OPRM1: variants seen among roughly 807,000 people sequenced by gnomAD.
OPRM1 encodes mu-type opioid receptor.
OPRM1 carries 27 observed loss-of-function variants against 31.8 expected under a neutral mutation model. That is an observed-to-expected ratio of 0.85 (90% CI 0.63 to 1.17). The LOEUF is 1.17. OPRM1 is among the 50% of genes most tolerant of loss of function. OPRM1 has a pLI of 0.00. For missense variants in OPRM1, 536 were observed against 511.1 expected (o/e 1.05, Z -0.47); for synonymous variants, 196 against 189.9 (o/e 1.03, Z -0.26).
intron 3 of OPRM1, among the ~76,000 whole-genome samples, chr6:154,216,180 C>T (rs1373324908): frequency 6.6e-6 from 1 of 151,846 alleles, no homozygotes; most frequent in Non-Finnish European, 1.5e-5. Context: ...ATGTTCACTG[C>T]CAACAAGGCT....
rs747320275 is a variant in OPRM1 at position 154,018,505 on chromosome 6, C to CTTT, written c.-1+7499_-1+7501dup. The stretch of plus-strand genomic sequence containing the variant: ...CATTTTCTATTGTGCCCCGTTAATT[C>CTTT]TTTTTTTTTTTTTTGTCTTTTCTGG... On this transcript the variant is annotated intron_variant, in intron 1 of 5. Transcript: ENST00000434900. 8.6e-4 allele frequency among the ~76,000 whole-genome samples: 121 copies of CTTT among 141,240 alleles called. 1 individual carries two copies. Among genetic ancestry groups the CTTT allele is most frequent in the African/African-American group, 1.5e-3 (58 of 38,540 alleles). The allele number at this position is 141,240 out of a possible 152,430, so 92.7% of individuals were successfully genotyped here. A position where few individuals can be genotyped will look rare whatever the true frequency, so the allele number is the denominator to read the frequency against.
intron 1 of OPRM1, among the ~76,000 whole-genome samples, chr6:154,049,839 C>T (rs1448259420): frequency 6.6e-6 from 1 of 152,208 alleles, no homozygotes; most frequent in East Asian, 1.9e-4. Flanking sequence ...ACCATCCTTG[C>T]ATCCCAAGGA....
chr6:154,214,327 C>A (rs1177640382), intron 3 of OPRM1: 4 of 1,190,314 alleles, frequency 3.4e-6, no homozygotes, highest in South Asian at 2.4e-5. Context: ...AGCCCCCCAC[C>A]CATTCACCTT....
At chr6:154,061,144 A>G (rs1424486971) in intron 1 of OPRM1, among the ~76,000 whole-genome samples, 2 of 152,220 alleles carry the variant, frequency 1.3e-5, no homozygotes, top group East Asian at 3.8e-4. Context: ...CCCACCCTAA[A>G]TTAATGGCTT....
chr6:154,121,966 C>G lies in OPRM1; in HGVS notation c.*3245C>G, dbSNP rs1797324514. 6.6e-6 allele frequency among the ~76,000 whole-genome samples: 1 copy of G among 152,174 alleles called. No homozygotes were observed. The highest frequency in any genetic ancestry group is 2.1e-4 in the South Asian group (1 of 4,830). ...TATAATAAAGATAATCAGTTTTATA[C>G]AGACATATTCTCCATCTACTGGCAA... On this transcript the variant is annotated 3_prime_UTR_variant, in exon 4 of 4. Transcript: ENST00000330432.
At chr6:154,158,202 G>A (rs1255214203) in intron 3 of OPRM1, 2 of 152,144 alleles carry the variant, frequency 1.3e-5, no homozygotes, top group African/African-American at 4.8e-5. Context: ...CCTTCCATTT[G>A]AATGTCAAGC....
At chr6:154,111,088 T>A (rs914980741) in intron 3 of OPRM1, among the ~76,000 whole-genome samples, 4 of 152,080 alleles carry the variant, frequency 2.6e-5, no homozygotes, top group African/African-American at 9.7e-5. Context: ...GCAGATCAAG[T>A]CTGGATCTTT....
At chr6:154,241,317 A>G (rs1261830601) in intron 3 of OPRM1, among the ~76,000 whole-genome samples, 2 of 152,084 alleles carry the variant, frequency 1.3e-5, no homozygotes, top group Admixed American at 1.3e-4. Context: ...AGGGGCCTCA[A>G]GCTTCCTTGA....
chr6:154,228,533 G>C (rs1320799753), intron 3 of OPRM1, among the ~76,000 whole-genome samples: 1 of 152,102 alleles, frequency 6.6e-6, no homozygotes, highest in African/African-American at 2.4e-5. Flanking sequence ...TCACAATTCA[G>C]CCCATCTAGT....
chr6:154,019,501 A>G (rs1200951340), intron 1 of OPRM1, among the ~76,000 whole-genome samples: 1 of 152,138 alleles, frequency 6.6e-6, no homozygotes, highest in Non-Finnish European at 1.5e-5. Context: ...CCATTATAGT[A>G]CCATATAGAA....
intron 3 of OPRM1, among the ~76,000 whole-genome samples, chr6:154,152,301 A>AAG (rs1798527094): frequency 4.9e-5 from 4 of 81,466 alleles, no homozygotes; most frequent in East Asian, 3.3e-4. Flanking sequence ...AGAGAGAAGA[A>AAG]AGAAAGAAAG....
intron 3 of OPRM1, among the ~76,000 whole-genome samples, chr6:154,152,347 G>GAAAAGAAAGAAA: frequency 4.3e-4 from 28 of 65,202 alleles, no homozygotes; most frequent in Middle Eastern, 6.4e-3. Flanking sequence ...AAGAAAGAAA[G>GAAAAGAAAGAAA]GAAAGAAAGA....
intron 1 of OPRM1, among the ~76,000 whole-genome samples, chr6:154,031,976 A>C (rs993738339): frequency 1.1e-4 from 16 of 152,182 alleles, no homozygotes; most frequent in African/African-American, 3.6e-4. Flanking sequence ...CATTATGGGG[A>C]GCCAACAAGC....
chr6:154,038,111 A>G (rs769684589), upstream of OPRM1, among the ~76,000 whole-genome samples: 26 of 152,190 alleles, frequency 1.7e-4, no homozygotes, highest in Non-Finnish European at 3.2e-4. Context: ...GAGTTTACCT[A>G]TGAGTTATCT....
intron 3 of OPRM1, among the ~76,000 whole-genome samples, chr6:154,243,044 G>A (rs2128638459): frequency 6.6e-6 from 1 of 152,278 alleles, no homozygotes; most frequent in East Asian, 1.9e-4. Context: ...ATAGGAGAAA[G>A]ACTTCAGGGC....
chr6:154,082,656 C>A (rs1361941104), intron 1 of OPRM1, among the ~76,000 whole-genome samples: 1 of 152,092 alleles, frequency 6.6e-6, no homozygotes, highest in African/African-American at 2.4e-5. Flanking sequence ...ATTCCCAGAT[C>A]ATAAAATATA....
intron 3 of OPRM1, among the ~76,000 whole-genome samples, chr6:154,112,204 T>A (rs1796438262): frequency 6.6e-6 from 1 of 152,216 alleles, no homozygotes; most frequent in Admixed American, 6.5e-5. Flanking sequence ...ACTGTGGTTA[T>A]CATCAGAAAA....
intron 1 of OPRM1, among the ~76,000 whole-genome samples, chr6:154,053,989 C>T (rs896144362): frequency 6.6e-6 from 1 of 152,056 alleles, no homozygotes; most frequent in Non-Finnish European, 1.5e-5. Flanking sequence ...ATATAAATCC[C>T]CACAATATGC....
At chr6:154,026,743 T>A (rs1391242819) in intron 1 of OPRM1, among the ~76,000 whole-genome samples, 1 of 152,230 alleles carries the variant, frequency 6.6e-6, no homozygotes, top group Non-Finnish European at 1.5e-5. Context: ...AAGACTGTGA[T>A]GTATTCTTCA....
Sources: gnomAD v4.1 joint callset for allele counts (sites outside exome capture counted in the v4.1 genomes callset) on GRCh38, gnomAD v4.1.1 for gene constraint, MANE v1.5 for transcripts, NCBI Gene and HGNC (gene_info 2026-07-23, HGNC 2026-07-21) for gene names.